Variants in NTNG1 observed in about 807,000 individuals in gnomAD.
The protein encoded by NTNG1 is netrin G1.
In NTNG1, 16 loss-of-function variants were observed where a neutral mutation model predicts 54.0. That is an observed-to-expected ratio of 0.30 (90% CI 0.20 to 0.45). The LOEUF (loss-of-function observed/expected upper bound fraction) is 0.45, where lower values mean the gene tolerates loss of function less well. NTNG1 is among the 20% of genes least tolerant of loss of function. The pLI is 1.00. For synonymous variants in NTNG1, 255 were observed against 263.1 expected (o/e 0.97, Z 0.30); for missense variants, 530 against 678.7 (o/e 0.78, Z 2.43).
At chr1:107,420,670 AG>A (rs745382203) in intron 5 of NTNG1, among the ~76,000 whole-genome samples, 7 of 152,016 alleles carry the variant, frequency 4.6e-5, no homozygotes, top group Non-Finnish European at 8.8e-5. Flanking sequence ...CAACAAAAAT[AG>A]TCTAAATGGT....
intron 3 of NTNG1, among the ~76,000 whole-genome samples, chr1:107,377,239 A>G (rs961792785): frequency 1.3e-5 from 2 of 152,202 alleles, no homozygotes; most frequent in African/African-American, 4.8e-5. Flanking sequence ...AAGGCCTCAC[A>G]TTGAACCTCC....
intron 5 of NTNG1, among the ~76,000 whole-genome samples, chr1:107,419,752 A>G (rs1027937889): frequency 3.3e-5 from 5 of 152,024 alleles, no homozygotes; most frequent in Non-Finnish European, 5.9e-5. Context: ...AATAGCTGCT[A>G]AGCAAAACAA....
chr1:107,186,300 A>G (rs72981616), intron 2 of NTNG1, among the ~76,000 whole-genome samples: 1,772 of 152,282 alleles, frequency 0.012, 35 homozygotes, highest in African/African-American at 0.04. Context: ...TTATGGTATT[A>G]GACTCTTATT....
intron 2 of NTNG1, among the ~76,000 whole-genome samples, chr1:107,288,498 A>C (rs1467233500): frequency 6.6e-6 from 1 of 152,176 alleles, no homozygotes; most frequent in Non-Finnish European, 1.5e-5. Context: ...AAATCGCACC[A>C]CTGAGAAATT....
intron 3 of NTNG1, among the ~76,000 whole-genome samples, chr1:107,343,792 G>GA (rs60139042): frequency 1.3e-5 from 2 of 152,066 alleles, no homozygotes; most frequent in Non-Finnish European, 2.9e-5. Flanking sequence ...TTGTTCTCGT[G>GA]AAAAAAGGAG....
chr1:107,208,737 A>G (rs1659386522), intron 2 of NTNG1, among the ~76,000 whole-genome samples: 1 of 152,098 alleles, frequency 6.6e-6, no homozygotes, highest in Non-Finnish European at 1.5e-5. Flanking sequence ...CCCTTCCCTT[A>G]GCTGGAGTCC....
chr1:107,457,349 C>T (rs1677011700), intron 7 of NTNG1, among the ~76,000 whole-genome samples: 5 of 152,178 alleles, frequency 3.3e-5, no homozygotes, highest in Admixed American at 3.3e-4. Flanking sequence ...AGTCTAGAGG[C>T]AATGCATTAG....
intron 2 of NTNG1, among the ~76,000 whole-genome samples, chr1:107,207,879 T>C (rs1014626794): frequency 3.9e-5 from 6 of 152,174 alleles, no homozygotes; most frequent in African/African-American, 1.4e-4. Context: ...CCACATGCCA[T>C]GGACTTAAAC....
intron 3 of NTNG1, among the ~76,000 whole-genome samples, chr1:107,382,589 G>C (rs867328614): frequency 6.6e-6 from 1 of 152,110 alleles, no homozygotes; most frequent in Non-Finnish European, 1.5e-5. Flanking sequence ...TGTCCTATCT[G>C]TTGTATCATT....
chr1:107,429,225 T>A lies in NTNG1; in HGVS notation c.1088-1525T>A, dbSNP rs114676398. Among the ~76,000 whole-genome samples the A allele has an allele frequency of 9.1e-3, 1,380 of 152,226 alleles. 9 individuals are homozygous for A. Among genetic ancestry groups the A allele is most frequent in the Non-Finnish European group, 0.015 (1,051 of 67,988 alleles). ...TATCTTCTACTCTTCACCATTTGAGTATCCTCCTCTGCTTCTATCCAAATT... is the reference window on the plus strand; with the variant it reads ...TATCTTCTACTCTTCACCATTTGAGAATCCTCCTCTGCTTCTATCCAAATT... On this transcript the variant is annotated intron_variant, in intron 5 of 7. Coordinates refer to ENST00000370068, the MANE Select transcript of NTNG1 (RefSeq NM_001113226.3).
At chr1:107,194,930 A>C (rs1030757663) in intron 2 of NTNG1, among the ~76,000 whole-genome samples, 1 of 151,844 alleles carries the variant, frequency 6.6e-6, no homozygotes, top group East Asian at 1.9e-4. Flanking sequence ...TTCTATAGGG[A>C]AAAAAAAGGC....
At chr1:107,300,641 A>C (rs1007815876) in intron 2 of NTNG1, among the ~76,000 whole-genome samples, 2 of 152,208 alleles carry the variant, frequency 1.3e-5, no homozygotes, top group Non-Finnish European at 2.9e-5. Flanking sequence ...TGTGATATCC[A>C]GAATTATATG....
intron 2 of NTNG1, among the ~76,000 whole-genome samples, chr1:107,226,396 C>G (rs539171044): frequency 1.3e-5 from 2 of 152,022 alleles, no homozygotes; most frequent in Non-Finnish European, 2.9e-5. Context: ...GTTCATGTTC[C>G]TTTTTTCCCT....
In NTNG1 at chr1:107,188,441, C is replaced by T. The variant is rs188450115; in HGVS notation, c.246+39602C>T. Among the ~76,000 whole-genome samples, 413 of 152,254 alleles carry T rather than the reference C, an allele frequency of 2.7e-3. 3 individuals carry two copies. Among genetic ancestry groups the T allele is most frequent in the Non-Finnish European group, 4.5e-3 (303 of 68,014 alleles). On this transcript the variant is annotated intron_variant, in intron 2 of 7. Coordinates refer to ENST00000370068, the MANE Select transcript of NTNG1 (RefSeq NM_001113226.3). ...TAATATACCCCCTATTATGCACATTCGCTCTGGGATTTTGAATGAATAAAT... is the reference window on the plus strand; with the variant it reads ...TAATATACCCCCTATTATGCACATTTGCTCTGGGATTTTGAATGAATAAAT...
In NTNG1 at chr1:107,148,549, G is replaced by A. The variant is rs1468987197; in HGVS notation, c.-45G>A. On this transcript the variant is annotated 5_prime_UTR_variant, in exon 2 of 8. Transcript: ENST00000370068. ...CTAGACAAAGATCGCAGATCATAAAGCAAGCTCTGCTTTAGTTTCCAAGAA... is the reference window on the plus strand; with the variant it reads ...CTAGACAAAGATCGCAGATCATAAAACAAGCTCTGCTTTAGTTTCCAAGAA... 2 of 1,594,812 alleles carry A rather than the reference G, an allele frequency of 1.3e-6. No individual in the cohort carries two copies. The highest frequency in any genetic ancestry group is 1.7e-5 in the Admixed American group (1 of 59,394).
At chr1:107,369,509 A>T (rs533346196) in intron 3 of NTNG1, among the ~76,000 whole-genome samples, 2 of 152,194 alleles carry the variant, frequency 1.3e-5, no homozygotes, top group East Asian at 3.9e-4. Context: ...ATTGCATTGA[A>T]CATCTTTCAT....
At chr1:107,149,378 T>TA (rs770002424) in intron 2 of NTNG1, among the ~76,000 whole-genome samples, 31 of 152,278 alleles carry the variant, frequency 2.0e-4, no homozygotes, top group Non-Finnish European at 3.1e-4. Flanking sequence ...AGAGAGGAAC[T>TA]AAAGCCTTGT....
At chr1:107,204,960 C>T (rs569622554) in intron 2 of NTNG1, among the ~76,000 whole-genome samples, 1 of 152,198 alleles carries the variant, frequency 6.6e-6, no homozygotes, top group Admixed American at 6.6e-5. Context: ...GCATCTTGGT[C>T]CAGTTCCTCA....
intron 2 of NTNG1, among the ~76,000 whole-genome samples, chr1:107,247,307 A>G (rs1401020644): frequency 6.6e-6 from 1 of 152,230 alleles, no homozygotes; most frequent in Non-Finnish European, 1.5e-5. Flanking sequence ...TCGTAAGTTT[A>G]AAATGAGGCT....
Sources: allele counts gnomAD v4.1 joint callset (sites outside exome capture counted in the v4.1 genomes callset), GRCh38; gene constraint gnomAD v4.1.1; transcripts MANE v1.5; gene names NCBI Gene and HGNC (gene_info 2026-07-23, HGNC 2026-07-21).